EXOG: variants seen among roughly 807,000 people sequenced by gnomAD.
EXOG encodes exo/endonuclease G.
In EXOG, 27 loss-of-function variants were observed where a neutral mutation model predicts 25.8. The ratio of observed to expected loss-of-function variants is 1.05; its 90% CI spans 0.77 to 1.45. The LOEUF (loss-of-function observed/expected upper bound fraction) is 1.45, where lower values mean the gene tolerates loss of function less well. Ranked by LOEUF, EXOG falls within the 40% of genes most tolerant of loss-of-function variation. The pLI, the probability that EXOG is intolerant of heterozygous loss-of-function variation, is 0.00. For synonymous variants in EXOG, 133 were observed against 167.0 expected, an observed-to-expected ratio of 0.80 and a Z score of 1.57; for missense variants, 458 against 450.5, an observed-to-expected ratio of 1.02 and a Z score of -0.15.
rs2060219057 is a variant in EXOG at position 38,506,971 on chromosome 3, A to G, written c.645+3A>G. On this transcript the variant is annotated splice_donor_region_variant and intron_variant, in intron 5 of 5. Coordinates refer to ENST00000287675, the MANE Select transcript of EXOG (RefSeq NM_005107.4). Reference sequence around the variant, plus strand: ...GAAAGAAAATAGTTAGTTACCAGGTAAGGATGTTTAATAGTCAGGTTTATG... The same window carrying G: ...GAAAGAAAATAGTTAGTTACCAGGTGAGGATGTTTAATAGTCAGGTTTATG... The G allele has an allele frequency of 3.3e-6, 4 of 1,230,692 alleles. No individual in the cohort carries two copies. The highest frequency in any genetic ancestry group is 4.8e-6 in the Non-Finnish European group (4 of 832,562). 76.2% of individuals were successfully genotyped at this position (1,230,692 alleles called of 1,614,324 possible).
At chr3:38,515,995 C>T (rs2060531793) in intron 5 of EXOG, among the ~76,000 whole-genome samples, 1 of 152,176 alleles carries the variant, frequency 6.6e-6, no homozygotes, top group Non-Finnish European at 1.5e-5. Flanking sequence ...TAGAGTACTA[C>T]TTAAGGGGTG....
chr3:38,496,648 T>C, intron 1 of EXOG, 118 bp downstream of exon 1: 1 of 1,475,352 alleles, frequency 6.8e-7, no homozygotes, highest in South Asian at 1.4e-5. Flanking sequence ...GCCCCTAGCC[T>C]GGCCCTTGGT....
At chr3:38,502,201 G>A (rs376825816) in intron 3 of EXOG, among the ~76,000 whole-genome samples, 3 of 152,088 alleles carry the variant, frequency 2.0e-5, no homozygotes, top group African/African-American at 4.8e-5. Flanking sequence ...GATTACAGGC[G>A]TGAGCCACTG....
At chr3:38,502,048 G>T (rs1378246131) in intron 3 of EXOG, among the ~76,000 whole-genome samples, 1 of 151,906 alleles carries the variant, frequency 6.6e-6, no homozygotes, top group Admixed American at 6.6e-5. Context: ...TCAGCCTCCC[G>T]AGTAGCTGGG....
In EXOG at chr3:38,506,959, T is replaced by C; in HGVS notation, c.636T>C (p.Val212=). ...PQTRGDGKKI[V]SYQVIGEDNV... is the part of the protein sequence containing the mutation. ...CTAGAGGCGATGGAAAGAAAATAGT[T>C]AGTTACCAGGTAAGGATGTTTAATA... Residue 212 remains valine (V), a synonymous_variant, in exon 5 of 6, where the codon GTT becomes GTC. Coordinates refer to ENST00000287675, the MANE Select transcript of EXOG (RefSeq NM_005107.4). 2 of 1,446,710 alleles carry C rather than the reference T, an allele frequency of 1.4e-6. No individual in the cohort carries two copies. Among genetic ancestry groups the C allele is most frequent in the South Asian group, 2.3e-5 (2 of 87,518 alleles). The allele number at this position is 1,446,710 out of a possible 1,614,324, so 89.6% of individuals were successfully genotyped here. A position where few individuals can be genotyped will look rare whatever the true frequency, so the allele number is the denominator to read the frequency against.
In EXOG at chr3:38,507,000, T is replaced by C. The variant is rs1348473741; in HGVS notation, c.645+32T>C. 6 of 925,836 alleles carry C rather than the reference T, an allele frequency of 6.5e-6. No individual in the cohort carries two copies. The South Asian group carries it at 6.9e-5, about 11-fold the overall frequency. The allele number at this position is 925,836 out of a possible 1,614,324, so 57.4% of individuals were successfully genotyped here. A position where few individuals can be genotyped will look rare whatever the true frequency, so the allele number is the denominator to read the frequency against. ...ATGTTTAATAGTCAGGTTTATGTTATCTGTATGAGATTATAATCTCACTTT... is the reference window on the plus strand; with the variant it reads ...ATGTTTAATAGTCAGGTTTATGTTACCTGTATGAGATTATAATCTCACTTT... On this transcript the variant is annotated intron_variant, in intron 5 of 5. Transcript: ENST00000287675.
chr3:38,497,382 T>C (rs1575602470), intron 1 of EXOG: 1 of 1,248,788 alleles, frequency 8.0e-7, no homozygotes, highest in East Asian at 3.7e-5. Context: ...TATTCAAAAG[T>C]TAATGCAGTA....
chr3:38,511,010 C>T (rs900382148), intron 5 of EXOG, among the ~76,000 whole-genome samples: 2 of 152,130 alleles, frequency 1.3e-5, no homozygotes, highest in African/African-American at 4.8e-5. Context: ...AGGACCTATG[C>T]ATGTTCACAC....
Position 38,496,508 on chromosome 3 carries a change from G to A in EXOG, c.141G>A (p.Ala47=), listed in dbSNP as rs1182541157. Residue 47 remains alanine (A), a synonymous_variant, in exon 1 of 6, where the codon GCG becomes GCA. Coordinates refer to ENST00000287675, the MANE Select transcript of EXOG (RefSeq NM_005107.4). ...QFFRSQGAEG[A]LTGKQPDGSA... ...TCCGGAGTCAGGGCGCTGAGGGAGC[G>A]TTGACAGGGAAGCAGCCGGATGGTA... 1 of 1,612,772 alleles carries A rather than the reference G, an allele frequency of 6.2e-7. No homozygotes were observed. Among genetic ancestry groups the A allele is most frequent in the Non-Finnish European group, 8.5e-7 (1 of 1,179,842 alleles).
At position 38,525,466 on chromosome 3, in the gene EXOG, C is replaced by T; in HGVS notation, c.*1104C>T. 1.0e-6 allele frequency: 1 copy of T among 985,384 alleles called. No homozygotes were observed. The highest frequency in any genetic ancestry group is 4.7e-5 in the South Asian group (1 of 21,284). 61.0% of individuals were successfully genotyped at this position (985,384 alleles called of 1,614,324 possible). On this transcript the variant is annotated 3_prime_UTR_variant, in exon 6 of 6. Coordinates refer to ENST00000287675, the MANE Select transcript of EXOG (RefSeq NM_005107.4). ...ACTTTAATGTTCTTTGAATTGAACC[C>T]TCCTTAGCTCTGTGGAAAGAGACAG... is the stretch of plus-strand genomic sequence containing the variant.
rs2125810175 is a variant in EXOG at position 38,524,556 on chromosome 3, A to T, written c.*194A>T. ...CTATAGCCTCAAACTTCTGGGCTTA[A>T]GCAATCCTCCTGCCTCTGCCCCCTG... On this transcript the variant is annotated 3_prime_UTR_variant, in exon 6 of 6. Coordinates refer to ENST00000287675, the MANE Select transcript of EXOG (RefSeq NM_005107.4). The T allele has an allele frequency of 1.6e-6, 2 of 1,278,094 alleles. No homozygotes were observed. Among genetic ancestry groups the T allele is most frequent in the Middle Eastern group, 3.0e-4 (1 of 3,378 alleles). 79.2% of individuals were successfully genotyped at this position (1,278,094 alleles called of 1,614,324 possible).
rs1372872576 is a variant in EXOG, at chr3:38,524,427, A to G, written c.*65A>G. 1.3e-6 allele frequency: 2 copies of G among 1,505,104 alleles called. No individual in the cohort carries two copies. Among genetic ancestry groups the G allele is most frequent in the Non-Finnish European group, 1.8e-6 (2 of 1,130,884 alleles). 93.2% of individuals were successfully genotyped at this position (1,505,104 alleles called of 1,614,324 possible). A position where few individuals can be genotyped will look rare whatever the true frequency, so the allele number is the denominator to read the frequency against. Reference sequence around the variant, plus strand: ...AGGCATGCCCTCTTTAGGCTAACATATTTTAGTGGCTTTGCTTTTTGCTTT... The same window carrying G: ...AGGCATGCCCTCTTTAGGCTAACATGTTTTAGTGGCTTTGCTTTTTGCTTT... On this transcript the variant is annotated 3_prime_UTR_variant, in exon 6 of 6. Coordinates refer to ENST00000287675, the MANE Select transcript of EXOG (RefSeq NM_005107.4).
intron 5 of EXOG, among the ~76,000 whole-genome samples, chr3:38,523,593 C>G (rs1235059326): frequency 1.3e-5 from 2 of 152,118 alleles, no homozygotes; most frequent in Non-Finnish European, 2.9e-5. Flanking sequence ...GTCTTGAACT[C>G]CTGACCTCAA....
chr3:38,520,200 G>T (rs999322224), intron 5 of EXOG, among the ~76,000 whole-genome samples: 2 of 152,164 alleles, frequency 1.3e-5, no homozygotes, highest in Non-Finnish European at 2.9e-5. Context: ...GGTCTGGGTG[G>T]CACAGGTGGT....
At chr3:38,523,116 C>A in intron 5 of EXOG, 1 of 872,148 alleles carries the variant, frequency 1.1e-6, no homozygotes. Context: ...TCTCTAAGGG[C>A]TATCTGTTTA....
chr3:38,525,102 A>G lies in EXOG; in HGVS notation c.*740A>G. On this transcript the variant is annotated 3_prime_UTR_variant, in exon 6 of 6. Transcript: ENST00000287675. Reference sequence around the variant, plus strand: ...AGCACTCAGCAACTAGTTTCTGCTCATTAAATGTGTTCTATATACTAGGCT... The same window carrying G: ...AGCACTCAGCAACTAGTTTCTGCTCGTTAAATGTGTTCTATATACTAGGCT... 2.1e-6 allele frequency: 2 copies of G among 974,386 alleles called. No homozygotes were observed. Among genetic ancestry groups the G allele is most frequent in the African/African-American group, 1.8e-5 (1 of 57,072 alleles). 60.4% of individuals were successfully genotyped at this position (974,386 alleles called of 1,614,324 possible). A position where few individuals can be genotyped will look rare whatever the true frequency, so the allele number is the denominator to read the frequency against.
chr3:38,518,830 A>C (rs1298227740), intron 5 of EXOG, among the ~76,000 whole-genome samples: 2 of 152,230 alleles, frequency 1.3e-5, no homozygotes, highest in Admixed American at 1.3e-4. Flanking sequence ...TTTTATAGAC[A>C]AGAAAATCAA....
chr3:38,515,021 C>G (rs1030792543), intron 5 of EXOG, among the ~76,000 whole-genome samples: 2 of 152,178 alleles, frequency 1.3e-5, no homozygotes, highest in Admixed American at 1.3e-4. Context: ...ATCCGCCTGC[C>G]TTAGCCTCCC....
At chr3:38,505,823 G>A (rs1057455633) in intron 4 of EXOG, among the ~76,000 whole-genome samples, 11 of 151,986 alleles carry the variant, frequency 7.2e-5, no homozygotes, top group African/African-American at 1.7e-4. Context: ...AAAATTAGCC[G>A]AGTGTGGTGG....
Sources: allele counts gnomAD v4.1 joint callset (sites outside exome capture counted in the v4.1 genomes callset), GRCh38; gene constraint gnomAD v4.1.1; transcripts MANE v1.5; gene names NCBI Gene and HGNC (gene_info 2026-07-23, HGNC 2026-07-21).